ATF7IP: variants seen among roughly 807,000 people sequenced by gnomAD.
ATF7IP encodes the protein activating transcription factor 7-interacting protein 1.
In ATF7IP, 23 loss-of-function variants were observed where a neutral mutation model predicts 106.4. The ratio of observed to expected loss-of-function variants is 0.22; its 90% confidence interval spans 0.16 to 0.31. The LOEUF (loss-of-function observed/expected upper bound fraction) is 0.31, where lower values mean the gene tolerates loss of function less well. ATF7IP is among the 10% of genes least tolerant of loss of function. The pLI, the probability that ATF7IP is intolerant of heterozygous loss-of-function variation, is 1.00. For missense variants in ATF7IP, 1,334 were observed against 1,524.3 expected (o/e 0.88, Z 2.08); for synonymous variants, 542 against 539.0 (o/e 1.01, Z -0.08).
intron 2 of ATF7IP, among the ~76,000 whole-genome samples, chr12:14,432,264 C>T (rs1038823227): frequency 3.9e-5 from 6 of 152,168 alleles, no homozygotes; most frequent in African/African-American, 1.4e-4. Flanking sequence ...AACCTTTCAT[C>T]TCAAGCATCC....
chr12:14,496,037 C>G (rs573964468), intron 13 of ATF7IP, among the ~76,000 whole-genome samples, 194 bp from the exon 14 acceptor site: 8 of 152,178 alleles, frequency 5.3e-5, no homozygotes, highest in African/African-American at 1.7e-4. Context: ...TTAGTGCTTG[C>G]ATGTAAGAAA....
At position 14,501,575 on chromosome 12, in the gene ATF7IP, G is replaced by T. The variant is rs556490631; in HGVS notation, c.*3502G>T. 2.0e-5 allele frequency: 3 copies of T among 152,140 alleles called. No individual in the cohort carries two copies. The East Asian group carries it at 5.8e-4, about 29-fold the overall frequency. 9.4% of individuals were successfully genotyped at this position (152,140 alleles called of 1,614,324 possible). ...TGGACTCATTTTTAAAAAATATGCC[G>T]AATACTGCATACTGTTTAAGGTAGT... On this transcript the variant is annotated 3_prime_UTR_variant, in exon 15 of 15. Transcript: ENST00000261168.
chr12:14,409,623 A>G (rs950352811), intron 1 of ATF7IP, among the ~76,000 whole-genome samples: 1 of 152,116 alleles, frequency 6.6e-6, no homozygotes, highest in Non-Finnish European at 1.5e-5. Flanking sequence ...AGATGAGCAT[A>G]CTGTAGAATT....
intron 2 of ATF7IP, among the ~76,000 whole-genome samples, chr12:14,433,919 C>A (rs1942270298): frequency 6.6e-6 from 1 of 152,120 alleles, no homozygotes; most frequent in African/African-American, 2.4e-5. Context: ...CTTAAGGATT[C>A]AACCTGTTTT....
At chr12:14,395,721 T>C (rs1456849252) in intron 1 of ATF7IP, among the ~76,000 whole-genome samples, 2 of 152,164 alleles carry the variant, frequency 1.3e-5, no homozygotes, top group African/African-American at 4.8e-5. Context: ...TTTTCAAATA[T>C]GGCTCATTGA....
rs76077302 is a variant in ATF7IP at position 14,387,174 on chromosome 12, T to C, written c.-8+21347T>C. 2.0e-5 allele frequency among the ~76,000 whole-genome samples: 3 copies of C among 152,302 alleles called. No individual in the cohort carries two copies. In the East Asian group the frequency reaches 5.8e-4, roughly 29 times the overall value. ...GATTCTCATAATTTGAACACTAATT[T>C]ATGTAAATCATTCAGTCATATGAAC... On this transcript the variant is annotated intron_variant, in intron 1 of 14. Transcript: ENST00000261168.
Position 14,425,173 on chromosome 12 carries a change from A to G in ATF7IP, c.1258A>G (p.Ser420Gly). 6.3e-7 allele frequency: 1 copy of G among 1,595,124 alleles called. No individual in the cohort carries two copies. The highest frequency in any genetic ancestry group is 8.5e-7 in the Non-Finnish European group (1 of 1,174,130). ...TGAAAATGTTATTGAAGATAACAAA[A>G]GTGAGAATATCTTAGAAAATACAGA... ...INENVIEDNKSENILENTDSM... is the reference protein window; with the variant it reads ...INENVIEDNKGENILENTDSM... Residue 420 changes from serine (S) to glycine (G), a missense_variant, in exon 2 of 15, where the codon AGT becomes GGT. Around this residue, in one of 10 missense-constraint regions of ATF7IP, gnomAD observed 438 missense variants for 405.3 expected, o/e 1.08. Transcript: ENST00000261168.
At chr12:14,430,037 G>A (rs1942043168) in intron 2 of ATF7IP, among the ~76,000 whole-genome samples, 1 of 152,198 alleles carries the variant, frequency 6.6e-6, no homozygotes, top group Non-Finnish European at 1.5e-5. Flanking sequence ...TCACCTCAGA[G>A]TAAGTATACA....
chr12:14,370,030 C>G (rs912351676), intron 1 of ATF7IP, among the ~76,000 whole-genome samples: 1 of 151,982 alleles, frequency 6.6e-6, no homozygotes, highest in East Asian at 1.9e-4. Context: ...CTCCGCCTCC[C>G]AGGTTCAAAT....
At chr12:14,423,733 A>G in intron 1 of ATF7IP, 176 bp from the exon 2 acceptor site, 1 of 642,024 alleles carries the variant, frequency 1.6e-6, no homozygotes, top group African/African-American at 1.8e-5. Flanking sequence ...TTGATTTTGT[A>G]TTACACAGAT....
At chr12:14,409,628 A>G (rs944938380) in intron 1 of ATF7IP, among the ~76,000 whole-genome samples, 1 of 152,134 alleles carries the variant, frequency 6.6e-6, no homozygotes, top group Non-Finnish European at 1.5e-5. Context: ...AGCATACTGT[A>G]GAATTATGTA....
intron 10 of ATF7IP, among the ~76,000 whole-genome samples, chr12:14,468,272 CAAA>C (rs567695230): frequency 7.6e-5 from 5 of 65,720 alleles, no homozygotes; most frequent in African/African-American, 1.0e-4. Context: ...CATCCCATCT[CAAA>C]AAAAAAAAAA....
chr12:14,440,819 A>G (rs1249349768), intron 5 of ATF7IP, among the ~76,000 whole-genome samples: 3 of 152,198 alleles, frequency 2.0e-5, no homozygotes, highest in Non-Finnish European at 2.9e-5. Flanking sequence ...TGCTGTCTCT[A>G]TCGATTTACC....
chr12:14,458,347 A>T (rs1411573736), intron 8 of ATF7IP, among the ~76,000 whole-genome samples: 2 of 152,196 alleles, frequency 1.3e-5, no homozygotes, highest in Non-Finnish European at 2.9e-5. Flanking sequence ...TAAAATGTTG[A>T]TTTGGCTGAA....
intron 13 of ATF7IP, among the ~76,000 whole-genome samples, chr12:14,488,909 A>G (rs989218592): frequency 2.0e-5 from 3 of 152,258 alleles, no homozygotes; most frequent in African/African-American, 4.8e-5. Context: ...AAGTGCATAC[A>G]TGCACAAACA....
intron 13 of ATF7IP, among the ~76,000 whole-genome samples, chr12:14,484,168 G>A (rs1195546953): frequency 6.6e-6 from 1 of 152,092 alleles, no homozygotes. Context: ...TGGCAAATTG[G>A]GCACTCAGCA....
intron 2 of ATF7IP, 135 bp downstream of exon 2, chr12:14,425,608 TCTTAA>T: frequency 1.2e-6 from 1 of 861,222 alleles, no homozygotes; most frequent in Non-Finnish European, 1.7e-6. Flanking sequence ...TAGAAAGATG[TCTTAA>T]CTTCATAGAA....
chr12:14,445,968 TATTC>T (rs1942936926), intron 5 of ATF7IP, among the ~76,000 whole-genome samples: 1 of 152,206 alleles, frequency 6.6e-6, no homozygotes, highest in African/African-American at 2.4e-5. Context: ...TACTACCAAA[TATTC>T]ATGTGGTGAA....
intron 9 of ATF7IP, among the ~76,000 whole-genome samples, chr12:14,464,926 A>G (rs936710713): frequency 2.6e-5 from 4 of 152,214 alleles, no homozygotes; most frequent in Admixed American, 6.5e-5. Context: ...GACAAAAAAT[A>G]AAAATGAGGC....
Sources: gnomAD v4.1 joint callset for allele counts (sites outside exome capture counted in the v4.1 genomes callset) on GRCh38, gnomAD v4.1.1 for gene constraint, gnomAD v4.1.1 regional missense constraint, MANE v1.5 for transcripts, NCBI Gene and HGNC (gene_info 2026-07-23, HGNC 2026-07-21) for gene names.